The following EFCAB8 variants were observed in gnomAD, a reference collection of about 807,000 sequenced individuals.
The protein encoded by EFCAB8 is EF-hand calcium binding domain 8, also known as EF-hand calcium-binding domain-containing protein 8.
A neutral mutation model predicts 116.3 loss-of-function variants in EFCAB8; 100 were observed. The observed-to-expected ratio is 0.86, with a 90% CI of 0.73 to 1.02. The LOEUF is 1.02. EFCAB8 is among the 50% of genes least tolerant of loss of function. EFCAB8 has a pLI of 0.00. For missense variants in EFCAB8, 1,320 were observed against 1,416.9 expected, an observed-to-expected ratio of 0.93 and a Z score of 1.10; for synonymous variants, 558 against 567.9, an observed-to-expected ratio of 0.98 and a Z score of 0.25.
At chr20:32,877,648 A>G (rs1392734353) in intron 4 of EFCAB8, among the ~76,000 whole-genome samples, 1 of 152,238 alleles carries the variant, frequency 6.6e-6, no homozygotes, top group African/African-American at 2.4e-5. Context: ...CCTTGTTTAC[A>G]ACCCCGTTTC....
At position 32,961,539 on chromosome 20, in the gene EFCAB8, A is replaced by T. The variant is rs750323709; in HGVS notation, c.3797A>T (p.Glu1266Val). 79 of 1,410,118 alleles carry T rather than the reference A, an allele frequency of 5.6e-5. No homozygotes were observed. Among genetic ancestry groups the T allele is most frequent in the Non-Finnish European group, 7.3e-5 (79 of 1,079,674 alleles). 87.4% of individuals were successfully genotyped at this position (1,410,118 alleles called of 1,614,324 possible). ...VTPKHIVSSF[E>V]RPPRPLKATF... ...CCCAAGCACATTGTCTCCTCCTTCG[A>T]GCGGCCCCCAAGGCCTCTGAAGGCC... Residue 1266 changes from glutamate to valine, a missense_variant, in exon 27 of 27, where the codon GAG becomes GTG. By Grantham distance (121) the Glu-to-Val change is moderately radical. Coordinates refer to ENST00000400522, the MANE Select transcript of EFCAB8 (RefSeq NM_001143967.2).
intron 22 of EFCAB8, among the ~76,000 whole-genome samples, chr20:32,935,636 AGGT>A (rs1988090348): frequency 6.6e-6 from 1 of 152,066 alleles, no homozygotes; most frequent in Non-Finnish European, 1.5e-5. Context: ...CCTCCCAAGT[AGGT>A]GGGATTACAG....
intron 5 of EFCAB8, among the ~76,000 whole-genome samples, chr20:32,882,091 G>A (rs1325938796): frequency 2.0e-5 from 3 of 152,120 alleles, no homozygotes; most frequent in South Asian, 2.1e-4. Context: ...CCAGCTACTC[G>A]GGAGGCTGAG....
At chr20:32,898,662 G>A in intron 11 of EFCAB8, 39 bp downstream of exon 11, 1 of 712,828 alleles carries the variant, frequency 1.4e-6, no homozygotes, top group Non-Finnish European at 2.6e-6. Flanking sequence ...CGGTGGGGCT[G>A]GAAGGGAGGG....
chr20:32,939,121 C>CTT (rs1988253222), intron 22 of EFCAB8, among the ~76,000 whole-genome samples: 2 of 114,842 alleles, frequency 1.7e-5, no homozygotes. Flanking sequence ...TTCTCTCTTT[C>CTT]TTTCTCTTTC....
At chr20:32,865,504 T>G (rs1471265673) in intron 2 of EFCAB8, among the ~76,000 whole-genome samples, 2 of 151,862 alleles carry the variant, frequency 1.3e-5, no homozygotes, top group Non-Finnish European at 2.9e-5. Context: ...TTGATCAGAT[T>G]TGCTGCCTAG....
At chr20:32,929,428 TTTTCTTTTC>T (rs1987799368) in intron 20 of EFCAB8, among the ~76,000 whole-genome samples, 1 of 151,514 alleles carries the variant, frequency 6.6e-6, no homozygotes, top group South Asian at 2.1e-4. Context: ...TTTTTCTTTC[TTTTCTTTTC>T]TTTCTTTTCT....
intron 7 of EFCAB8, among the ~76,000 whole-genome samples, chr20:32,891,851 C>T (rs1453650981): frequency 2.7e-5 from 4 of 149,590 alleles, no homozygotes; most frequent in African/African-American, 9.9e-5. Context: ...TTAATTGAGA[C>T]AGGGTCTTGC....
At chr20:32,888,464 T>C (rs1985745931) in intron 6 of EFCAB8, among the ~76,000 whole-genome samples, 1 of 152,098 alleles carries the variant, frequency 6.6e-6, no homozygotes, top group Non-Finnish European at 1.5e-5. Context: ...CCTAGTGATC[T>C]GCCCACCTTG....
intron 3 of EFCAB8, among the ~76,000 whole-genome samples, chr20:32,870,249 G>A (rs1984621628): frequency 6.6e-6 from 1 of 152,188 alleles, no homozygotes; most frequent in Non-Finnish European, 1.5e-5. Flanking sequence ...TTTGCAGCCA[G>A]GAAGTGCCAC....
rs966220565 is a variant in EFCAB8, at chr20:32,910,052, C to T, written c.1557+121C>T. On this transcript the variant is annotated intron_variant, in intron 15 of 26. Transcript: ENST00000400522. The stretch of plus-strand genomic sequence containing the variant: ...TCCCATGGCACATTGGGAACTCTTA[C>T]AGCCTTGATGGTGGTGCTGGGGCAG... 9.9e-5 allele frequency: 44 copies of T among 443,168 alleles called. No homozygotes were observed. In the East Asian group the frequency reaches 1.5e-3, roughly 15 times the overall value. The allele number at this position is 443,168 out of a possible 1,614,324, so 27.5% of individuals were successfully genotyped here.
At chr20:32,896,936 G>A (rs1046867260) in intron 10 of EFCAB8, among the ~76,000 whole-genome samples, 2 of 152,138 alleles carry the variant, frequency 1.3e-5, no homozygotes, top group Non-Finnish European at 2.9e-5. Flanking sequence ...TACCATGGCC[G>A]TCAGGACGTG....
chr20:32,910,046 C>T (rs1986848066), intron 15 of EFCAB8, 115 bp downstream of exon 15: 3 of 453,804 alleles, frequency 6.6e-6, no homozygotes. Context: ...ACATTGGGAA[C>T]TCTTACAGCC....
chr20:32,955,728 G>A (rs939177690), intron 23 of EFCAB8, among the ~76,000 whole-genome samples: 5 of 152,140 alleles, frequency 3.3e-5, no homozygotes, highest in African/African-American at 9.7e-5. Flanking sequence ...CGTCCTGAGC[G>A]AGGGTATAGG....
At chr20:32,871,281 A>C (rs533929761) in intron 3 of EFCAB8, among the ~76,000 whole-genome samples, 27 of 150,536 alleles carry the variant, frequency 1.8e-4, no homozygotes, top group African/African-American at 6.4e-4. Context: ...TATTCTTTTA[A>C]ATTTCTTTTA....
At chr20:32,868,813 C>T (rs1033583252) in intron 3 of EFCAB8, among the ~76,000 whole-genome samples, 4 of 152,038 alleles carry the variant, frequency 2.6e-5, no homozygotes, top group Non-Finnish European at 4.4e-5. Flanking sequence ...GGTGAAACCC[C>T]GTCTCTACTA....
chr20:32,905,388 G>A (rs1383073908), intron 11 of EFCAB8, among the ~76,000 whole-genome samples: 1 of 152,172 alleles, frequency 6.6e-6, no homozygotes, highest in Non-Finnish European at 1.5e-5. Context: ...GGACGGTCAT[G>A]CAGGACGACT....
chr20:32,940,023 C>CCCTTCCTTCCTTCCTTCCTTCCTTCCTT (rs757461144), intron 22 of EFCAB8, among the ~76,000 whole-genome samples: 1 of 56,076 alleles, frequency 1.8e-5, no homozygotes, highest in East Asian at 4.5e-4. Context: ...CTCCCTCCCT[C>CCCTTCCTTCCTTCCTTCCTTCCTTCCTT]CCTTCCTTCC....
chr20:32,871,919 A>C (rs955958532), intron 3 of EFCAB8, among the ~76,000 whole-genome samples: 2 of 152,074 alleles, frequency 1.3e-5, no homozygotes, highest in African/African-American at 4.8e-5. Context: ...TTGAAAGCAC[A>C]CAAAGGCAGT....
Sources: allele counts gnomAD v4.1 joint callset (sites outside exome capture counted in the v4.1 genomes callset), GRCh38; gene constraint gnomAD v4.1.1; transcripts MANE v1.5; gene names NCBI Gene and HGNC (gene_info 2026-07-23, HGNC 2026-07-21).